Variants in TRPC4 observed in about 807,000 individuals in gnomAD.
The protein encoded by TRPC4 is short transient receptor potential channel 4.
Under a neutral mutation model 99.4 loss-of-function variants are expected in TRPC4, and 49 were observed. That is an observed-to-expected ratio of 0.49 (90% CI 0.39 to 0.63). The LOEUF (loss-of-function observed/expected upper bound fraction) is 0.63, where lower values mean the gene tolerates loss of function less well. Among genes scored for constraint, TRPC4 ranks in the 20% least tolerant of loss-of-function variants. The probability of loss-of-function intolerance (pLI) is 0.00; values close to 1 mark genes in which losing one functional copy is unlikely to be tolerated. For synonymous variants in TRPC4, 454 were observed against 425.9 expected (o/e 1.07, Z -0.81); for missense variants, 898 against 1,152.9 (o/e 0.78, Z 3.20).
At position 37,636,479 on chromosome 13, in the gene TRPC4, TA is replaced by T. The variant is rs1229239497; in HGVS notation, c.*423del. ...GACTAGGTGAAAAGTCCTTGGTGAG[TA>T]ACCCTCTCTAAAGACCCTAAAAAAT... is the stretch of plus-strand genomic sequence containing the variant. On this transcript the variant is annotated 3_prime_UTR_variant, in exon 11 of 11. Transcript: ENST00000379705. Among the ~76,000 whole-genome samples the T allele has an allele frequency of 1.3e-5, 2 of 152,136 alleles. No homozygotes were observed. The highest frequency in any genetic ancestry group is 2.9e-5 in the Non-Finnish European group (2 of 68,004).
chr13:37,816,197 G>C (rs1395451934), intron 1 of TRPC4, among the ~76,000 whole-genome samples: 1 of 151,764 alleles, frequency 6.6e-6, no homozygotes, highest in African/African-American at 2.4e-5. Flanking sequence ...AATAGTAAAG[G>C]ATTCAAGTCA....
chr13:37,799,560 G>A (rs567383386), intron 1 of TRPC4, among the ~76,000 whole-genome samples: 3 of 152,208 alleles, frequency 2.0e-5, no homozygotes, highest in South Asian at 4.2e-4. Context: ...TGTAAAAAAG[G>A]GATAACACTG....
chr13:37,852,466 G>A (rs368380474), intron 1 of TRPC4, among the ~76,000 whole-genome samples: 4 of 152,278 alleles, frequency 2.6e-5, no homozygotes, highest in South Asian at 4.1e-4. Flanking sequence ...AACCTGCAAC[G>A]ATCCCCAGAG....
chr13:37,649,432 G>A (rs988129606), intron 8 of TRPC4, among the ~76,000 whole-genome samples: 1 of 151,950 alleles, frequency 6.6e-6, no homozygotes, highest in Non-Finnish European at 1.5e-5. Flanking sequence ...TGCAGTAATT[G>A]CTTATTAAAT....
chr13:37,790,487 T>C (rs1009877388), intron 1 of TRPC4, among the ~76,000 whole-genome samples: 6 of 152,184 alleles, frequency 3.9e-5, no homozygotes, highest in African/African-American at 2.4e-5. Context: ...CAATAACCAC[T>C]ATTTGCATAT....
chr13:37,866,312 A>G (rs1026474449), intron 1 of TRPC4, among the ~76,000 whole-genome samples: 32 of 151,740 alleles, frequency 2.1e-4, no homozygotes, highest in African/African-American at 7.5e-4. Flanking sequence ...AAGAGAGATA[A>G]AACATACACT....
At chr13:37,786,311 C>T (rs1211365756) in intron 1 of TRPC4, among the ~76,000 whole-genome samples, 2 of 150,708 alleles carry the variant, frequency 1.3e-5, no homozygotes. Context: ...CACACACACA[C>T]ACACACACAC....
intron 3 of TRPC4, among the ~76,000 whole-genome samples, chr13:37,722,994 T>G (rs565628066): frequency 6.6e-6 from 1 of 152,176 alleles, no homozygotes; most frequent in South Asian, 2.1e-4. Flanking sequence ...GGGGAGGAAG[T>G]GTTGACTAGT....
intron 3 of TRPC4, among the ~76,000 whole-genome samples, chr13:37,741,915 G>A (rs542858041): frequency 7.5e-6 from 1 of 133,524 alleles, no homozygotes; most frequent in African/African-American, 3.0e-5. Flanking sequence ...ATAACCCTCT[G>A]TGACTCCGAT....
intron 1 of TRPC4, among the ~76,000 whole-genome samples, chr13:37,824,008 C>T (rs1404972578): frequency 2.2e-5 from 3 of 137,576 alleles, no homozygotes; most frequent in Non-Finnish European, 4.7e-5. Context: ...AGTTGGATTC[C>T]TAGGTATTTT....
chr13:37,812,192 A>AAAAAAAAAAG (rs1957716444), intron 1 of TRPC4, among the ~76,000 whole-genome samples: 1 of 147,630 alleles, frequency 6.8e-6, no homozygotes, highest in Admixed American at 6.7e-5. Context: ...AAAAAAAAAA[A>AAAAAAAAAAG]AAACCAGGAG....
intron 2 of TRPC4, among the ~76,000 whole-genome samples, chr13:37,767,188 T>C (rs1291080480): frequency 6.6e-6 from 1 of 151,288 alleles, no homozygotes; most frequent in Non-Finnish European, 1.5e-5. Flanking sequence ...TTGTGGTATG[T>C]CCAAGCAGTA....
At chr13:37,767,119 T>A (rs1383012845) in intron 2 of TRPC4, among the ~76,000 whole-genome samples, 1 of 151,356 alleles carries the variant, frequency 6.6e-6, no homozygotes, top group Non-Finnish European at 1.5e-5. Flanking sequence ...CATATCTATA[T>A]TTATGTTTAA....
At chr13:37,813,863 C>G (rs542405376) in intron 1 of TRPC4, among the ~76,000 whole-genome samples, 66 of 151,640 alleles carry the variant, frequency 4.4e-4, no homozygotes, top group African/African-American at 1.6e-3. Flanking sequence ...TATCCTGACA[C>G]CAAATACAAA....
At chr13:37,725,633 G>A (rs1272606651) in intron 3 of TRPC4, among the ~76,000 whole-genome samples, 1 of 152,100 alleles carries the variant, frequency 6.6e-6, no homozygotes, top group Admixed American at 6.5e-5. Flanking sequence ...AAATTCTGGA[G>A]CTGAAATAAA....
chr13:37,678,802 GC>G (rs1288305238), intron 4 of TRPC4, among the ~76,000 whole-genome samples: 2 of 151,942 alleles, frequency 1.3e-5, no homozygotes, highest in Non-Finnish European at 2.9e-5. Flanking sequence ...CACACCAATA[GC>G]CCTTATAAAT....
intron 1 of TRPC4, among the ~76,000 whole-genome samples, chr13:37,829,344 T>A (rs1403968446): frequency 6.6e-6 from 1 of 152,228 alleles, no homozygotes; most frequent in Non-Finnish European, 1.5e-5. Context: ...AAATGGCTAT[T>A]AAGCACATGC....
chr13:37,787,143 A>C (rs958327994), intron 1 of TRPC4, among the ~76,000 whole-genome samples: 1 of 152,028 alleles, frequency 6.6e-6, no homozygotes, highest in Admixed American at 6.6e-5. Flanking sequence ...AAGGAAAGGA[A>C]TATTTAATAT....
In TRPC4 at chr13:37,762,385, A is replaced by G. The variant is rs567989572; in HGVS notation, c.379-15930T>C. On this transcript the variant is annotated intron_variant, in intron 2 of 10. Transcript: ENST00000379705. Reference sequence around the variant, plus strand: ...TTACTGGTTATATACCCAAAGGACTATAAATCATGCTGCTATAAAGACACA... The same window carrying G: ...TTACTGGTTATATACCCAAAGGACTGTAAATCATGCTGCTATAAAGACACA... 2.0e-5 allele frequency among the ~76,000 whole-genome samples: 3 copies of G among 151,932 alleles called. No individual in the cohort carries two copies. The East Asian group carries it at 5.9e-4, about 30-fold the overall frequency.
Sources: allele counts gnomAD v4.1 joint callset (sites outside exome capture counted in the v4.1 genomes callset), GRCh38; gene constraint gnomAD v4.1.1; transcripts MANE v1.5; gene names NCBI Gene and HGNC (gene_info 2026-07-23, HGNC 2026-07-21).